The following OSBPL3 variants were observed in gnomAD, a reference collection of about 807,000 sequenced individuals.
The protein encoded by OSBPL3 is oxysterol binding protein like 3.
In OSBPL3, 65 loss-of-function variants were observed where a neutral mutation model predicts 120.1. The ratio of observed to expected loss-of-function variants is 0.54; its 90% CI spans 0.44 to 0.67. The LOEUF (loss-of-function observed/expected upper bound fraction) is 0.67, where lower values mean the gene tolerates loss of function less well. OSBPL3 is among the 30% of genes least tolerant of loss of function. The pLI, the probability that OSBPL3 is intolerant of heterozygous loss-of-function variation, is 0.00. For synonymous variants in OSBPL3, 416 were observed against 402.6 expected (o/e 1.03, Z -0.40); for missense variants, 1,004 against 1,082.1 (o/e 0.93, Z 1.01).
intron 2 of OSBPL3, among the ~76,000 whole-genome samples, chr7:24,882,716 C>G (rs901273441): frequency 5.3e-5 from 8 of 152,142 alleles, no homozygotes; most frequent in African/African-American, 1.9e-4. Context: ...AAAGAGTTCC[C>G]TTTCTTCTGC....
Position 24,898,779 on chromosome 7 carries a change from T to A in OSBPL3, c.-149-6158A>T, listed in dbSNP as rs17150484. On this transcript the variant is annotated intron_variant, in intron 1 of 22. Transcript: ENST00000313367. This position sits in a 1 kb window ranked among gnomAD's most constrained non-coding sequence, Gnocchi z 4.3. ...CAGTCATTAGAATCATGGAGCCTAA[T>A]AACGAATTCTAGCCCAACCTCCGGC... Among the ~76,000 whole-genome samples, 5,731 of 152,260 alleles carry A rather than the reference T, an allele frequency of 0.038. 160 individuals are homozygous for A. Among genetic ancestry groups the A allele is most frequent in the East Asian group, 0.14 (705 of 5,166 alleles).
intron 2 of OSBPL3, among the ~76,000 whole-genome samples, chr7:24,886,594 C>T (rs537684403): frequency 6.6e-6 from 1 of 152,130 alleles, no homozygotes; most frequent in Non-Finnish European, 1.5e-5. Context: ...AAATTCAGTC[C>T]GACGATTTGT....
chr7:24,937,350 C>T lies in OSBPL3; in HGVS notation c.-150+42536G>A, dbSNP rs1584676283. 1.3e-5 allele frequency among the ~76,000 whole-genome samples: 2 copies of T among 152,292 alleles called. No individual in the cohort carries two copies. Among genetic ancestry groups the T allele is most frequent in the African/African-American group, 2.4e-5 (1 of 41,560 alleles). ...AGCTTTGGGTGGGAACACAGCCAAACCATATCAGTAAATTTTTATTTCAAT... is the reference window on the plus strand; with the variant it reads ...AGCTTTGGGTGGGAACACAGCCAAATCATATCAGTAAATTTTTATTTCAAT... On this transcript the variant is annotated intron_variant, in intron 1 of 22. Transcript: ENST00000313367. The surrounding 1 kb of genome is among the most constrained non-coding windows in gnomAD (Gnocchi z 4.0).
chr7:24,875,673 T>C (rs1802740980), intron 2 of OSBPL3, among the ~76,000 whole-genome samples: 1 of 151,980 alleles, frequency 6.6e-6, no homozygotes, highest in African/African-American at 2.4e-5. Context: ...AGCACACCAC[T>C]ACACTCTCCA....
In OSBPL3 at chr7:24,813,507, G is replaced by C. The variant is rs1231542177; in HGVS notation, c.2172+1552C>G. On this transcript the variant is annotated intron_variant, in intron 19 of 22. Transcript: ENST00000313367. The surrounding 1 kb of genome is among the most constrained non-coding windows in gnomAD (Gnocchi z 4.5). Reference sequence around the variant, plus strand: ...ATATCCCTGCTTCAGGTTGCCTTTTGTTTCTGTTTGCAGAGAGCTTAGACA... The same window carrying C: ...ATATCCCTGCTTCAGGTTGCCTTTTCTTTCTGTTTGCAGAGAGCTTAGACA... Among the ~76,000 whole-genome samples, 1 of 152,170 alleles carries C rather than the reference G, an allele frequency of 6.6e-6. No individual in the cohort carries two copies. The highest frequency in any genetic ancestry group is 1.5e-5 in the Non-Finnish European group (1 of 68,034).
At position 24,824,807 on chromosome 7, in the gene OSBPL3, C is replaced by A. The variant is rs1795506661; in HGVS notation, c.1885-4569G>T. On this transcript the variant is annotated intron_variant, in intron 16 of 22. Transcript: ENST00000313367. The surrounding 1 kb of genome is among the most constrained non-coding windows in gnomAD (Gnocchi z 4.9). ...GATGTGGGGACAGTGAGTAGGAGTGCTGGTCAGACAGGGTGGTGGGGCAGG... is the reference window on the plus strand; with the variant it reads ...GATGTGGGGACAGTGAGTAGGAGTGATGGTCAGACAGGGTGGTGGGGCAGG... 6.6e-6 allele frequency among the ~76,000 whole-genome samples: 1 copy of A among 152,110 alleles called. No individual in the cohort carries two copies.
intron 1 of OSBPL3, among the ~76,000 whole-genome samples, chr7:24,895,595 G>C (rs1187989609): frequency 6.6e-6 from 1 of 152,222 alleles, no homozygotes; most frequent in Non-Finnish European, 1.5e-5. Flanking sequence ...CAGGTGCCAA[G>C]ATGGTCACTT....
At chr7:24,893,576 C>G (rs1385837473) in intron 1 of OSBPL3, among the ~76,000 whole-genome samples, 1 of 152,050 alleles carries the variant, frequency 6.6e-6, no homozygotes, top group Admixed American at 6.5e-5. Flanking sequence ...CTTTGGGAGG[C>G]CGAAGTGGGA....
Position 24,956,568 on chromosome 7 carries a change from G to A in OSBPL3, c.-150+23318C>T, listed in dbSNP as rs188505980. ...AAATGGCCATCTTCCTTTGTCTTAC[G>A]CACATGAGGCATATATACATCTATC... On this transcript the variant is annotated intron_variant, in intron 1 of 22. Coordinates refer to ENST00000313367, the MANE Select transcript of OSBPL3 (RefSeq NM_015550.4). Among the ~76,000 whole-genome samples, 231 of 152,180 alleles carry A rather than the reference G, an allele frequency of 1.5e-3. 2 individuals are homozygous for A. Among genetic ancestry groups the A allele is most frequent in the Non-Finnish European group, 2.4e-3 (164 of 67,996 alleles).
intron 6 of OSBPL3, 58 bp downstream of exon 6, chr7:24,866,012 A>C: frequency 7.2e-7 from 1 of 1,391,730 alleles, no homozygotes; most frequent in Admixed American, 1.7e-5. Context: ...CCAAGACAGG[A>C]CTCCATGAAA....
At chr7:24,944,768 T>C (rs1180302572) in intron 1 of OSBPL3, among the ~76,000 whole-genome samples, 1 of 152,240 alleles carries the variant, frequency 6.6e-6, no homozygotes, top group Non-Finnish European at 1.5e-5. Flanking sequence ...CAATATGGTA[T>C]TTGTATTTTT....
At chr7:24,907,252 C>A (rs1171273173) in intron 1 of OSBPL3, among the ~76,000 whole-genome samples, 2 of 152,236 alleles carry the variant, frequency 1.3e-5, no homozygotes, top group African/African-American at 4.8e-5. Flanking sequence ...AGGCTCTCCC[C>A]TGCTCCAAAT....
In OSBPL3 at chr7:24,872,192, G is replaced by A. The variant is rs1802220617; in HGVS notation, c.97-123C>T. 1.5e-6 allele frequency: 1 copy of A among 684,010 alleles called. No individual in the cohort carries two copies. The highest frequency in any genetic ancestry group is 2.4e-5 in the Admixed American group (1 of 41,618). The allele number at this position is 684,010 out of a possible 1,614,324, so 42.4% of individuals were successfully genotyped here. A position where few individuals can be genotyped will look rare whatever the true frequency, so the allele number is the denominator to read the frequency against. On this transcript the variant is annotated intron_variant, in intron 2 of 22. Transcript: ENST00000313367. The surrounding 1 kb of genome is among the most constrained non-coding windows in gnomAD (Gnocchi z 4.1). ...GGAGGCTGGCTGGGTTTGTTGGGGA[G>A]AAGAAATCCAAATTTAATTTCCATA...
rs531740642 is a variant in OSBPL3 at position 24,941,141 on chromosome 7, A to T, written c.-150+38745T>A. 4.7e-4 allele frequency among the ~76,000 whole-genome samples: 72 copies of T among 152,286 alleles called. 2 individuals are homozygous for T. The South Asian group carries it at 0.014, about 30-fold the overall frequency. On this transcript the variant is annotated intron_variant, in intron 1 of 22. Coordinates refer to ENST00000313367, the MANE Select transcript of OSBPL3 (RefSeq NM_015550.4). ...GCCAACATTGCTTTCTTTTAAGGAGAATTCTATTTGCCTTAGCAATAGTTT... is the reference window on the plus strand; with the variant it reads ...GCCAACATTGCTTTCTTTTAAGGAGTATTCTATTTGCCTTAGCAATAGTTT...
At chr7:24,837,411 G>A (rs762468326) in intron 14 of OSBPL3, among the ~76,000 whole-genome samples, 1 of 151,216 alleles carries the variant, frequency 6.6e-6, no homozygotes, top group Non-Finnish European at 1.5e-5. Context: ...GCTATGTTGC[G>A]CAGGCTGGTC....
At chr7:24,869,118 C>T (rs10248878) in intron 5 of OSBPL3, among the ~76,000 whole-genome samples, 109,178 of 152,138 alleles carry the variant, frequency 0.72, 40,805 homozygotes, top group East Asian at 0.99. Flanking sequence ...GAGTCATAAC[C>T]GATGTTCAAA....
In OSBPL3 at chr7:24,877,735, T is replaced by C. The variant is rs1332878199; in HGVS notation, c.97-5666A>G. ...AGAAAACAAGAGGGATGTTGGTTTC[T>C]CTTGGCTAAAGGAACCAGGACTTAG... is the stretch of plus-strand genomic sequence containing the variant. On this transcript the variant is annotated intron_variant, in intron 2 of 22. Coordinates refer to ENST00000313367, the MANE Select transcript of OSBPL3 (RefSeq NM_015550.4). This position sits in a 1 kb window ranked among gnomAD's most constrained non-coding sequence, Gnocchi z 4.8. Among the ~76,000 whole-genome samples, 1 of 152,158 alleles carries C rather than the reference T, an allele frequency of 6.6e-6. No homozygotes were observed. Among genetic ancestry groups the C allele is most frequent in the African/African-American group, 2.4e-5 (1 of 41,442 alleles).
rs1177995351 is a variant in OSBPL3 at position 24,799,015 on chromosome 7, A to G, written c.*1168T>C. On this transcript the variant is annotated 3_prime_UTR_variant, in exon 23 of 23. Coordinates refer to ENST00000313367, the MANE Select transcript of OSBPL3 (RefSeq NM_015550.4). This position sits in a 1 kb window ranked among gnomAD's most constrained non-coding sequence, Gnocchi z 5.3. ...ATTCAAGACTGCTGCAAAACTCACA[A>G]AAGAATGATATGGATAACAAGAAAG... 1.3e-5 allele frequency: 2 copies of G among 152,652 alleles called. No individual in the cohort carries two copies. Among genetic ancestry groups the G allele is most frequent in the Admixed American group, 6.5e-5 (1 of 15,284 alleles). The allele number at this position is 152,652 out of a possible 1,614,324, so 9.5% of individuals were successfully genotyped here.
intron 2 of OSBPL3, among the ~76,000 whole-genome samples, chr7:24,875,899 T>C (rs529613747): frequency 6.6e-6 from 1 of 152,154 alleles, no homozygotes; most frequent in Non-Finnish European, 1.5e-5. Context: ...GAACCACTAA[T>C]GAACTTGGTA....
Sources: allele counts gnomAD v4.1 joint callset (sites outside exome capture counted in the v4.1 genomes callset), GRCh38; gene constraint gnomAD v4.1.1; non-coding constraint Gnocchi (gnomAD v3.1); transcripts MANE v1.5; gene names NCBI Gene and HGNC (gene_info 2026-07-23, HGNC 2026-07-21).